Variants in ABR observed in about 807,000 individuals in gnomAD.
The protein encoded by ABR is ABR activator of RhoGEF and GTPase, also known as active breakpoint cluster region-related protein.
In ABR, 35 loss-of-function variants were observed where a neutral mutation model predicts 107.2. That is an observed-to-expected ratio of 0.33 (90% CI 0.25 to 0.43). The LOEUF (loss-of-function observed/expected upper bound fraction) is 0.43, where lower values mean the gene tolerates loss of function less well. ABR is among the 20% of genes least tolerant of loss of function. ABR has a pLI of 1.00. For missense variants in ABR, 815 were observed against 1,115.2 expected, an observed-to-expected ratio of 0.73 and a Z score of 3.83; for synonymous variants, 498 against 462.0, an observed-to-expected ratio of 1.08 and a Z score of -1.00.
intron 4 of ABR, among the ~76,000 whole-genome samples, chr17:1,086,440 GACAAGCTCCAAAACGA>G (rs1025935170): frequency 1.1e-4 from 17 of 152,120 alleles, no homozygotes; most frequent in Non-Finnish European, 1.5e-4. Context: ...TACGATTGCT[GACAAGCTCCAAAACGA>G]ACATGGGTTG....
intron 1 of ABR, among the ~76,000 whole-genome samples, chr17:1,224,293 C>T (rs560304100): frequency 2.0e-5 from 3 of 152,224 alleles, no homozygotes; most frequent in African/African-American, 4.8e-5. Flanking sequence ...AGATACTAAG[C>T]GAATTGGCAG....
chr17:1,050,880 A>G lies in ABR; in HGVS notation c.1562-246T>C, dbSNP rs1475453815. ...CCCTTCCTACCTCAGCCCTCCCCACACTCTGCCCTTCCCACCTCGGCCCTC... is the reference window on the plus strand; with the variant it reads ...CCCTTCCTACCTCAGCCCTCCCCACGCTCTGCCCTTCCCACCTCGGCCCTC... On this transcript the variant is annotated intron_variant, in intron 14 of 22. Transcript: ENST00000302538. This position sits in a 1 kb window ranked among gnomAD's most constrained non-coding sequence, Gnocchi z 4.6. Among the ~76,000 whole-genome samples, 1 of 138,924 alleles carries G rather than the reference A, an allele frequency of 7.2e-6. No individual in the cohort carries two copies. The highest frequency in any genetic ancestry group is 1.5e-5 in the Non-Finnish European group (1 of 65,064). 91.1% of individuals were successfully genotyped at this position (138,924 alleles called of 152,430 possible).
chr17:1,144,076 T>C (rs2040427632), intron 1 of ABR, among the ~76,000 whole-genome samples: 2 of 152,074 alleles, frequency 1.3e-5, no homozygotes, highest in Admixed American at 6.5e-5. Flanking sequence ...GAGCCACAGA[T>C]TAAAGCTACT....
chr17:1,130,727 G>A (rs558532404), intron 1 of ABR, among the ~76,000 whole-genome samples: 5 of 152,234 alleles, frequency 3.3e-5, no homozygotes, highest in African/African-American at 7.2e-5. Flanking sequence ...TCGATTAACC[G>A]GTGGGTCCTA....
chr17:1,146,214 C>T (rs550656979), intron 1 of ABR, among the ~76,000 whole-genome samples: 1 of 151,250 alleles, frequency 6.6e-6, no homozygotes, highest in African/African-American at 2.4e-5. Flanking sequence ...GGGCAAAAGC[C>T]CAGCCAGCTT....
At chr17:1,074,637 C>A (rs2035554403) in intron 6 of ABR, among the ~76,000 whole-genome samples, 1 of 152,232 alleles carries the variant, frequency 6.6e-6, no homozygotes, top group Non-Finnish European at 1.5e-5. Flanking sequence ...GAGGAAAGAC[C>A]CCTCCCCACA....
intron 1 of ABR, among the ~76,000 whole-genome samples, chr17:1,167,164 G>A (rs1010477453): frequency 1.8e-4 from 28 of 151,616 alleles, no homozygotes; most frequent in Non-Finnish European, 3.1e-4. Context: ...CTGGCTGGGC[G>A]GAGAGAGAGG....
rs949826937 is a variant in ABR, at chr17:1,150,045, T to G, written c.62-24678A>C. ...TGGCTGTTATTGTCGTCACTGACGTTGTCACTGCTGTTGTCCCTGTTGTTA... is the reference window on the plus strand; with the variant it reads ...TGGCTGTTATTGTCGTCACTGACGTGGTCACTGCTGTTGTCCCTGTTGTTA... On this transcript the variant is annotated intron_variant, in intron 1 of 22. Transcript: ENST00000302538. The surrounding 1 kb of genome is among the most constrained non-coding windows in gnomAD (Gnocchi z 4.8). 2.6e-4 allele frequency among the ~76,000 whole-genome samples: 40 copies of G among 152,166 alleles called. No homozygotes were observed. Among genetic ancestry groups the G allele is most frequent in the African/African-American group, 8.4e-4 (35 of 41,426 alleles).
chr17:1,183,471 T>C (rs2042197067), upstream of ABR, among the ~76,000 whole-genome samples: 1 of 152,084 alleles, frequency 6.6e-6, no homozygotes, highest in Non-Finnish European at 1.5e-5. Flanking sequence ...AGAAGGTACA[T>C]CCCATTTTCA....
At chr17:1,136,681 C>T (rs1281403736) in intron 1 of ABR, among the ~76,000 whole-genome samples, 2 of 152,196 alleles carry the variant, frequency 1.3e-5, no homozygotes, top group African/African-American at 2.4e-5. Context: ...ATGAACAAAT[C>T]TCTGCCAGCT....
intron 8 of ABR, 53 bp downstream of exon 8, chr17:1,072,561 G>A (rs2035327815): frequency 1.3e-6 from 2 of 1,541,118 alleles, no homozygotes; most frequent in East Asian, 2.4e-5. Flanking sequence ...AGGGGACGAG[G>A]GACCTGATAC....
Position 1,051,619 on chromosome 17 carries a change from T to C in ABR, c.1562-985A>G, listed in dbSNP as rs2032540010. 6.6e-6 allele frequency among the ~76,000 whole-genome samples: 1 copy of C among 152,164 alleles called. No homozygotes were observed. Among genetic ancestry groups the C allele is most frequent in the African/African-American group, 2.4e-5 (1 of 41,444 alleles). On this transcript the variant is annotated intron_variant, in intron 14 of 22. Transcript: ENST00000302538. The surrounding 1 kb of genome is among the most constrained non-coding windows in gnomAD (Gnocchi z 4.3). ...CACCTCCAGGGAGATGCCGAGGTTG[T>C]TCCCAGGGTACCAGAGGTGGTGTGG...
At chr17:1,155,272 G>A (rs375408840) in intron 1 of ABR, among the ~76,000 whole-genome samples, 10 of 152,212 alleles carry the variant, frequency 6.6e-5, no homozygotes, top group Admixed American at 2.0e-4. Flanking sequence ...TATGGTCGAC[G>A]GATTGTCAAC....
chr17:1,212,549 G>A (rs1010854374), intron 1 of ABR, among the ~76,000 whole-genome samples: 11 of 152,052 alleles, frequency 7.2e-5, no homozygotes, highest in African/African-American at 2.2e-4. Context: ...GAGGTCAGGA[G>A]CTCGAGACTG....
chr17:1,009,434 C>T (rs917058794), intron 21 of ABR, among the ~76,000 whole-genome samples: 1 of 152,178 alleles, frequency 6.6e-6, no homozygotes, highest in African/African-American at 2.4e-5. Flanking sequence ...CTACTGGTTA[C>T]GGGACCCAAA....
chr17:1,219,833 T>C (rs2043084156), intron 1 of ABR, among the ~76,000 whole-genome samples: 1 of 151,188 alleles, frequency 6.6e-6, no homozygotes, highest in Admixed American at 6.6e-5. Flanking sequence ...ATCTTGGGCT[T>C]GCTGGTGGAC....
intron 2 of ABR, among the ~76,000 whole-genome samples, chr17:1,112,076 C>T (rs2038704122): frequency 6.6e-6 from 1 of 152,248 alleles, no homozygotes; most frequent in Admixed American, 6.5e-5. Context: ...GCCACCACCC[C>T]ACCAAGCTTT....
At chr17:1,160,095 T>A (rs1440910763) in intron 1 of ABR, among the ~76,000 whole-genome samples, 1 of 151,948 alleles carries the variant, frequency 6.6e-6, no homozygotes, top group Non-Finnish European at 1.5e-5. Context: ...GAGGAAACAC[T>A]TACACCAATA....
upstream of ABR, among the ~76,000 whole-genome samples, chr17:1,183,817 G>A (rs2042210240): frequency 6.6e-6 from 1 of 152,136 alleles, no homozygotes; most frequent in Non-Finnish European, 1.5e-5. Context: ...GTGGGAGGGA[G>A]TGGGGCCCTC....
Sources: allele counts gnomAD v4.1 joint callset (sites outside exome capture counted in the v4.1 genomes callset), GRCh38; gene constraint gnomAD v4.1.1; non-coding constraint Gnocchi (gnomAD v3.1); transcripts MANE v1.5; gene names NCBI Gene and HGNC (gene_info 2026-07-23, HGNC 2026-07-21).